The following RANBP2 variants were observed in gnomAD, a reference collection of about 807,000 sequenced individuals.
RANBP2 encodes the protein E3 SUMO-protein ligase RanBP2.
A neutral mutation model predicts 303.6 loss-of-function variants in RANBP2; 57 were observed. The observed-to-expected ratio is 0.19, with a 90% CI of 0.15 to 0.23. RANBP2 has a LOEUF of 0.23. Among genes scored for constraint, RANBP2 ranks in the 10% least tolerant of loss-of-function variants. RANBP2 has a pLI of 1.00. For missense variants in RANBP2, 3,138 were observed against 3,780.8 expected, an observed-to-expected ratio of 0.83 and a Z score of 4.46; for synonymous variants, 1,167 against 1,301.5, an observed-to-expected ratio of 0.90 and a Z score of 2.23.
At chr2:108,743,754 T>C (rs1321448298) in intron 7 of RANBP2, among the ~76,000 whole-genome samples, 1 of 152,204 alleles carries the variant, frequency 6.6e-6, no homozygotes, top group Non-Finnish European at 1.5e-5. Context: ...TCAATGTGGG[T>C]GTGCTTTACC....
At chr2:109,242,931 C>T in the RANBP2 span, among the ~76,000 whole-genome samples, 1 of 152,242 alleles carries the variant, frequency 6.6e-6, no homozygotes, top group African/African-American at 2.4e-5. Context: ...TCAGGAATTG[C>T]AGCCAAAGGA....
At chr2:109,594,469 T>G in the RANBP2 span, among the ~76,000 whole-genome samples, 3 of 151,078 alleles carry the variant, frequency 2.0e-5, no homozygotes, top group Non-Finnish European at 4.4e-5. Flanking sequence ...TGCACTGTGG[T>G]TTTTTTTTGC....
chr2:109,025,798 G>GAA, the RANBP2 span, among the ~76,000 whole-genome samples: 3 of 104,494 alleles, frequency 2.9e-5, no homozygotes, highest in Non-Finnish European at 6.0e-5. Context: ...ACTCCGTCTC[G>GAA]AAAAAAAAAA....
the RANBP2 span, among the ~76,000 whole-genome samples, chr2:108,864,793 CAAAAAAAAAA>C: frequency 1.6e-5 from 2 of 125,062 alleles, no homozygotes; most frequent in African/African-American, 6.1e-5. Flanking sequence ...GACTCCATCT[CAAAAAAAAAA>C]AAAAAAAATT....
the RANBP2 span, among the ~76,000 whole-genome samples, chr2:109,640,970 G>A: frequency 2.6e-5 from 4 of 152,132 alleles, no homozygotes; most frequent in Admixed American, 2.6e-4. Context: ...GAAATGGAGG[G>A]TAGATCTTCG....
chr2:108,723,717 A>G (rs1434439143), intron 1 of RANBP2, among the ~76,000 whole-genome samples: 1 of 151,886 alleles, frequency 6.6e-6, no homozygotes, highest in Non-Finnish European at 1.5e-5. Context: ...TAAGGTAAAT[A>G]TTTTTGCATT....
chr2:109,442,244 G>A, the RANBP2 span, among the ~76,000 whole-genome samples: 1,542 of 150,816 alleles, frequency 0.01, 30 homozygotes, highest in African/African-American at 0.035. Context: ...CTGGGAGGCA[G>A]AGCTTACAGT....
the RANBP2 span, among the ~76,000 whole-genome samples, chr2:109,152,462 G>A: frequency 3.3e-5 from 5 of 152,170 alleles, no homozygotes; most frequent in Admixed American, 3.3e-4. Flanking sequence ...GCCTTGTTCC[G>A]GGTGCCTGAT....
At chr2:108,859,175 A>G in the RANBP2 span, among the ~76,000 whole-genome samples, 22 of 152,274 alleles carry the variant, frequency 1.4e-4, no homozygotes, top group African/African-American at 4.6e-4. Context: ...ATTTTTAAAT[A>G]TATTTGTTGG....
chr2:109,487,438 A>T, the RANBP2 span, among the ~76,000 whole-genome samples: 1 of 152,226 alleles, frequency 6.6e-6, no homozygotes, highest in Non-Finnish European at 1.5e-5. Context: ...GTAATAACTG[A>T]TGCTTAAGGC....
At chr2:108,832,005 T>C in the RANBP2 span, among the ~76,000 whole-genome samples, 2 of 151,918 alleles carry the variant, frequency 1.3e-5, no homozygotes, top group Non-Finnish European at 2.9e-5. Flanking sequence ...AGTGCTGGGA[T>C]TACAAGCGTG....
the RANBP2 span, among the ~76,000 whole-genome samples, chr2:109,217,541 G>A: frequency 6.6e-6 from 1 of 152,180 alleles, no homozygotes; most frequent in Non-Finnish European, 1.5e-5. Flanking sequence ...AGTATCTTTA[G>A]AATGTTGAGC....
At chr2:109,504,194 T>G in the RANBP2 span, 1 of 152,252 alleles carries the variant, frequency 6.6e-6, no homozygotes, top group Admixed American at 6.5e-5. Flanking sequence ...GTTTGGCGGT[T>G]AAGATGAAAC....
At chr2:109,694,118 T>A in the RANBP2 span, among the ~76,000 whole-genome samples, 4 of 152,158 alleles carry the variant, frequency 2.6e-5, no homozygotes, top group African/African-American at 9.7e-5. Flanking sequence ...ATCCCCAATG[T>A]TGGAGGTGGG....
the RANBP2 span, among the ~76,000 whole-genome samples, chr2:109,171,371 T>A: frequency 0.86 from 131,618 of 152,254 alleles, 57,017 homozygotes; most frequent in African/African-American, 0.92. Flanking sequence ...AAATGATGGC[T>A]ATTTGTTGTT....
At chr2:109,574,479 G>T in the RANBP2 span, 24 of 583,796 alleles carry the variant, frequency 4.1e-5, no homozygotes, top group Non-Finnish European at 6.0e-5. Context: ...TAAAAAAGAT[G>T]CACAGGATAA....
At chr2:108,770,325 T>C (rs1324118974) in intron 20 of RANBP2, among the ~76,000 whole-genome samples, 3 of 152,092 alleles carry the variant, frequency 2.0e-5, no homozygotes, top group South Asian at 2.1e-4. Flanking sequence ...TGTACTGTTA[T>C]TTCTCCTAGC....
the RANBP2 span, among the ~76,000 whole-genome samples, chr2:109,537,560 GA>G: frequency 7.2e-6 from 1 of 138,436 alleles, no homozygotes; most frequent in Non-Finnish European, 1.7e-5. Flanking sequence ...TATGAGTTTG[GA>G]TTTTTTTTTT....
chr2:108,830,792 G>A, the RANBP2 span, among the ~76,000 whole-genome samples: 3 of 151,056 alleles, frequency 2.0e-5, no homozygotes, highest in South Asian at 2.1e-4. Flanking sequence ...TGGGCAACAA[G>A]AGCAAAACTC....
Sources: allele counts gnomAD v4.1 joint callset (sites outside exome capture counted in the v4.1 genomes callset), GRCh38; gene constraint gnomAD v4.1.1; transcripts MANE v1.5; gene names NCBI Gene and HGNC (gene_info 2026-07-23, HGNC 2026-07-21).